The following KIF20B variants were observed in gnomAD, a reference collection of about 807,000 sequenced individuals.
KIF20B encodes kinesin-like protein KIF20B.
KIF20B carries 188 observed loss-of-function variants against 232.5 expected under a neutral mutation model. The observed-to-expected ratio is 0.81, with a 90% CI of 0.72 to 0.91. The LOEUF (loss-of-function observed/expected upper bound fraction) is 0.91. Ranked by LOEUF, KIF20B falls within the 40% of genes least tolerant of loss-of-function variation. The pLI, the probability that KIF20B is intolerant of heterozygous loss-of-function variation, is 0.00. For missense variants in KIF20B, 2,154 were observed against 2,055.9 expected, an observed-to-expected ratio of 1.05 and a Z score of -0.92; for synonymous variants, 712 against 683.0, an observed-to-expected ratio of 1.04 and a Z score of -0.66.
rs746170598 is a variant in KIF20B at position 89,737,448 on chromosome 10, G to A, written c.2607G>A (p.Pro869=). ...EDQKKSEEVR[P]NIAEIEDIRV... The stretch of plus-strand genomic sequence containing the variant: ...AAAAGAAAAGTGAAGAAGTGCGACC[G>A]AACATTGCAGAAATTGAAGACATCA... The change falls in exon 20 of 33, where the codon CCG becomes CCA. Residue 869 remains proline, a synonymous_variant. Coordinates refer to ENST00000371728, the MANE Select transcript of KIF20B (RefSeq NM_001284259.2). 4.4e-6 allele frequency: 7 copies of A among 1,605,384 alleles called. No homozygotes were observed. The highest frequency in any genetic ancestry group is 1.1e-5 in the South Asian group (1 of 88,364).
chr10:89,763,589 C>T (rs1288095193), intron 29 of KIF20B, among the ~76,000 whole-genome samples: 1 of 152,030 alleles, frequency 6.6e-6, no homozygotes, highest in Non-Finnish European at 1.5e-5. Context: ...CTTTTTTCAT[C>T]AGCCAGTGTT....
chr10:89,767,485 A>G (rs954829847), intron 29 of KIF20B, among the ~76,000 whole-genome samples: 5 of 151,974 alleles, frequency 3.3e-5, no homozygotes, highest in African/African-American at 1.2e-4. Flanking sequence ...TCTGCTTCTT[A>G]TGACCCTTAT....
At chr10:89,756,781 A>G (rs1327280829) in intron 26 of KIF20B, among the ~76,000 whole-genome samples, 2 of 151,892 alleles carry the variant, frequency 1.3e-5, no homozygotes, top group Non-Finnish European at 2.9e-5. Context: ...AATACATTTG[A>G]TTGTACCTGA....
chr10:89,733,236 T>C, intron 19 of KIF20B, 180 bp downstream of exon 19: 2 of 545,378 alleles, frequency 3.7e-6, no homozygotes, highest in Non-Finnish European at 6.5e-6. Context: ...AGTTAAAGCT[T>C]TTATCTTAAT....
At chr10:89,736,043 G>T (rs1180698285) in intron 19 of KIF20B, among the ~76,000 whole-genome samples, 1 of 152,168 alleles carries the variant, frequency 6.6e-6, no homozygotes, top group Non-Finnish European at 1.5e-5. Flanking sequence ...GTGAATGGCG[G>T]TCAGAAGAAC....
rs941548577 is a variant in KIF20B at position 89,725,037 on chromosome 10, A to T, written c.1880A>T (p.Glu627Val). The T allele has an allele frequency of 6.2e-7, 1 of 1,613,634 alleles. No individual in the cohort carries two copies. The highest frequency in any genetic ancestry group is 8.5e-7 in the Non-Finnish European group (1 of 1,179,762). ...EADFKETLLQEREILEENAER... is the reference protein window; with the variant it reads ...EADFKETLLQVREILEENAER... Reference sequence around the variant, plus strand: ...TTTTGAAGGGAGACTCTGCTTCAAGAACGAGAGATATTAGAAGAAAATGCT... The same window carrying T: ...TTTTGAAGGGAGACTCTGCTTCAAGTACGAGAGATATTAGAAGAAAATGCT... Residue 627 changes from glutamate to valine, a missense_variant, in exon 15 of 33, where the codon GAA becomes GTA. Coordinates refer to ENST00000371728, the MANE Select transcript of KIF20B (RefSeq NM_001284259.2).
chr10:89,749,695 G>A (rs1418056183), intron 23 of KIF20B, among the ~76,000 whole-genome samples: 2 of 152,076 alleles, frequency 1.3e-5, no homozygotes, highest in Non-Finnish European at 2.9e-5. Flanking sequence ...ACTCTTCTTA[G>A]AATAATGTTT....
rs375828767 is a variant in KIF20B at position 89,751,412 on chromosome 10, A to G, written c.4163A>G (p.Gln1388Arg). 151 of 1,607,780 alleles carry G rather than the reference A, an allele frequency of 9.4e-5. No individual in the cohort carries two copies. The highest frequency in any genetic ancestry group is 1.2e-4 in the Non-Finnish European group (139 of 1,176,290). ...ACACTAGAAGAACAGGAACAAACTC[A>G]GGTAGAACAGGATCAAGTGCTTGAG... ...RMTLEEQEQT[Q>R]VEQDQVLEAK... Residue 1388 changes from glutamine (Q) to arginine (R), a missense_variant, in exon 24 of 33, where the codon CAG becomes CGG. By Grantham distance (43) the Gln-to-Arg change is conservative. Coordinates refer to ENST00000371728, the MANE Select transcript of KIF20B (RefSeq NM_001284259.2).
intron 25 of KIF20B, among the ~76,000 whole-genome samples, chr10:89,753,585 T>A (rs1398878772): frequency 1.3e-5 from 2 of 151,738 alleles, no homozygotes; most frequent in African/African-American, 4.8e-5. Flanking sequence ...AATCCTGGAA[T>A]GGACTGCCAT....
intron 19 of KIF20B, among the ~76,000 whole-genome samples, chr10:89,733,425 A>T (rs1843372886): frequency 6.6e-6 from 1 of 152,154 alleles, no homozygotes; most frequent in South Asian, 2.1e-4. Flanking sequence ...GGAGAAAAGG[A>T]TATTTTACAG....
intron 18 of KIF20B, among the ~76,000 whole-genome samples, chr10:89,731,974 C>T (rs1377155384): frequency 6.6e-6 from 1 of 152,164 alleles, no homozygotes; most frequent in Non-Finnish European, 1.5e-5. Context: ...CTATCATACA[C>T]TTTGTTTTTT....
chr10:89,719,618 C>T lies in KIF20B; in HGVS notation c.1634C>T (p.Thr545Ile), dbSNP rs1407671391. 1 of 1,613,188 alleles carries T rather than the reference C, an allele frequency of 6.2e-7. No individual in the cohort carries two copies. Among genetic ancestry groups the T allele is most frequent in the Middle Eastern group, 1.7e-4 (1 of 6,050 alleles). ...LVEELENAEETQNVETKLLDE... is the reference protein window; with the variant it reads ...LVEELENAEEIQNVETKLLDE... Reference sequence around the variant, plus strand: ...GAGGAGCTAGAAAACGCTGAAGAAACTCAAAATGTGGAAACTAAACTTCTT... The same window carrying T: ...GAGGAGCTAGAAAACGCTGAAGAAATTCAAAATGTGGAAACTAAACTTCTT... The change falls in exon 13 of 33, where the codon ACT (threonine) becomes ATT (isoleucine). Residue 545 changes from threonine (T) to isoleucine (I), a missense_variant. Thr to Ile is a moderately conservative substitution (Grantham distance 89, BLOSUM62 -1). Coordinates refer to ENST00000371728, the MANE Select transcript of KIF20B (RefSeq NM_001284259.2).
In KIF20B at chr10:89,772,456, CTTTA is replaced by C. The variant is rs537026583; in HGVS notation, c.5243-229_5243-226del. 1.6e-3 allele frequency among the ~76,000 whole-genome samples: 242 copies of C among 151,948 alleles called. 1 individual carries two copies. Among genetic ancestry groups the C allele is most frequent in the African/African-American group, 5.4e-3 (226 of 41,482 alleles). On this transcript the variant is annotated intron_variant, in intron 31 of 32. Coordinates refer to ENST00000371728, the MANE Select transcript of KIF20B (RefSeq NM_001284259.2). ...TACATTGAACATTAATCAAATGATA[CTTTA>C]TTTGCTTTTTTTTTGCTGTCGATCA...
rs1230430143 is a variant in KIF20B, at chr10:89,725,144, A to G, written c.1987A>G (p.Lys663Glu). 4 of 1,613,884 alleles carry G rather than the reference A, an allele frequency of 2.5e-6. No individual in the cohort carries two copies. The highest frequency in any genetic ancestry group is 1.7e-5 in the Admixed American group (1 of 59,974). Residue 663 changes from lysine (K) to glutamate (E), a missense_variant, in exon 15 of 33, where the codon AAA becomes GAA. Lys to Glu is a moderately conservative substitution (Grantham distance 56). Transcript: ENST00000371728. ...EEAAKDICAT[K>E]VETEETHNYV... ...AGCAGCGAAAGACATTTGTGCCACA[A>G]AAGTTGAAACTGAAGTATGTTAATT...
At position 89,726,277 on chromosome 10, in the gene KIF20B, T is replaced by G; in HGVS notation, c.2002-16T>G. 6.5e-7 allele frequency: 1 copy of G among 1,539,092 alleles called. No individual in the cohort carries two copies. Among genetic ancestry groups the G allele is most frequent in the Non-Finnish European group, 8.8e-7 (1 of 1,141,002 alleles). ...CCTACTGTTAATATTAGGCATGTGG[T>G]TTTTGCTATTTTTAGGAAACACATA... On this transcript the variant is annotated splice_polypyrimidine_tract_variant and intron_variant, in intron 15 of 32. Coordinates refer to ENST00000371728, the MANE Select transcript of KIF20B (RefSeq NM_001284259.2).
At chr10:89,740,180 T>C (rs965733894) in intron 21 of KIF20B, among the ~76,000 whole-genome samples, 8 of 152,038 alleles carry the variant, frequency 5.3e-5, no homozygotes, top group African/African-American at 1.4e-4. Flanking sequence ...TTTCTATTTG[T>C]CTATCCCAGT....
chr10:89,740,964 G>A (rs909450616), intron 21 of KIF20B, among the ~76,000 whole-genome samples: 1 of 152,174 alleles, frequency 6.6e-6, no homozygotes, highest in Non-Finnish European at 1.5e-5. Context: ...ATGGACCAGG[G>A]TAGGGGCTGG....
At position 89,737,379 on chromosome 10, in the gene KIF20B, T is replaced by C. The variant is rs776164264; in HGVS notation, c.2546-8T>C. The C allele has an allele frequency of 2.6e-5, 39 of 1,479,542 alleles. No homozygotes were observed. The Admixed American group carries it at 2.8e-4, about 11-fold the overall frequency. The allele number at this position is 1,479,542 out of a possible 1,614,324, so 91.7% of individuals were successfully genotyped here. On this transcript the variant is annotated splice_polypyrimidine_tract_variant and splice_region_variant and intron_variant, in intron 19 of 32. Coordinates refer to ENST00000371728, the MANE Select transcript of KIF20B (RefSeq NM_001284259.2). ...GCCAGATTAATAACAATTTTCTTATTTTTAAAGGGTCTATCCATGTTAGTT... is the reference window on the plus strand; with the variant it reads ...GCCAGATTAATAACAATTTTCTTATCTTTAAAGGGTCTATCCATGTTAGTT...
chr10:89,772,288 A>G (rs1411470343), intron 31 of KIF20B, among the ~76,000 whole-genome samples: 1 of 152,086 alleles, frequency 6.6e-6, no homozygotes, highest in Non-Finnish European at 1.5e-5. Context: ...TTCATTGTGC[A>G]TAACTTTATG....
Sources: allele counts gnomAD v4.1 joint callset (sites outside exome capture counted in the v4.1 genomes callset), GRCh38; gene constraint gnomAD v4.1.1; transcripts MANE v1.5; gene names NCBI Gene and HGNC (gene_info 2026-07-23, HGNC 2026-07-21).